CAMK1D: variants seen among roughly 807,000 people sequenced by gnomAD.
The protein encoded by CAMK1D is calcium/calmodulin-dependent protein kinase type 1D.
Under a neutral mutation model 47.7 loss-of-function variants are expected in CAMK1D, and 9 were observed. The observed-to-expected ratio is 0.19, with a 90% CI of 0.11 to 0.33. The LOEUF (loss-of-function observed/expected upper bound fraction) is 0.33. Among genes scored for constraint, CAMK1D ranks in the 10% least tolerant of loss-of-function variants. The pLI, the probability that CAMK1D is intolerant of heterozygous loss-of-function variation, is 1.00. For missense variants in CAMK1D, 291 were observed against 488.7 expected (o/e 0.60, Z 3.81); for synonymous variants, 184 against 184.9 (o/e 0.99, Z 0.04).
In CAMK1D at chr10:12,831,066, C is replaced by G. The variant is rs961470429; in HGVS notation, c.*2179C>G. 1.3e-5 allele frequency: 2 copies of G among 152,134 alleles called. No homozygotes were observed. The highest frequency in any genetic ancestry group is 2.4e-5 in the African/African-American group (1 of 41,388). The allele number at this position is 152,134 out of a possible 1,614,324, so 9.4% of individuals were successfully genotyped here. Reference sequence around the variant, plus strand: ...ACAGGCAGCTGGTCTACCCTGTCCCCGCACACTTCACAGGCACTCCACTGC... The same window carrying G: ...ACAGGCAGCTGGTCTACCCTGTCCCGGCACACTTCACAGGCACTCCACTGC... On this transcript the variant is annotated 3_prime_UTR_variant, in exon 11 of 11. Transcript: ENST00000619168.
chr10:12,469,459 A>T (rs540457961), intron 1 of CAMK1D, among the ~76,000 whole-genome samples: 53 of 152,192 alleles, frequency 3.5e-4, no homozygotes, highest in African/African-American at 1.3e-3. Context: ...ACTGGGGCAT[A>T]ACCAAGAAAG....
chr10:12,617,019 GT>G (rs1838845758), intron 2 of CAMK1D, among the ~76,000 whole-genome samples: 1 of 152,056 alleles, frequency 6.6e-6, no homozygotes, highest in African/African-American at 2.4e-5. Context: ...TAATATCCCT[GT>G]CTAGTCACAA....
chr10:12,827,468 GTCTGTCTTTCTTTCTTTCTTTCTT>G (rs1833281408), intron 10 of CAMK1D, among the ~76,000 whole-genome samples: 1 of 3,792 alleles, frequency 2.6e-4, no homozygotes, highest in African/African-American at 5.1e-4. Flanking sequence ...TTCTTTGTCT[GTCTGTCTTTCTTTCTTTCTTTCTT>G]TCTTTCTTTC....
intron 3 of CAMK1D, among the ~76,000 whole-genome samples, chr10:12,691,444 TTTTTTTG>T: frequency 2.5e-5 from 2 of 79,090 alleles, no homozygotes; most frequent in South Asian, 4.5e-4. Flanking sequence ...TTTTTTTTTT[TTTTTTTG>T]AGTGAGAGTC....
chr10:12,419,546 A>T (rs1839975326), intron 1 of CAMK1D, among the ~76,000 whole-genome samples: 1 of 152,024 alleles, frequency 6.6e-6, no homozygotes, highest in Admixed American at 6.6e-5. Context: ...TGGTTTTCTT[A>T]GTGCATAAAA....
chr10:12,508,752 C>G (rs1321324571), intron 1 of CAMK1D, among the ~76,000 whole-genome samples: 1 of 152,184 alleles, frequency 6.6e-6, no homozygotes, highest in Non-Finnish European at 1.5e-5. Flanking sequence ...CTCTGCAGTT[C>G]ACATAACCCT....
intron 4 of CAMK1D, among the ~76,000 whole-genome samples, chr10:12,768,142 G>C (rs1263423335): frequency 6.6e-6 from 1 of 152,156 alleles, no homozygotes; most frequent in Non-Finnish European, 1.5e-5. Flanking sequence ...AAAAGTGCTG[G>C]GATTACAGGT....
At chr10:12,758,003 C>T (rs1836315646) in intron 3 of CAMK1D, among the ~76,000 whole-genome samples, 2 of 152,166 alleles carry the variant, frequency 1.3e-5, no homozygotes, top group Admixed American at 6.5e-5. Flanking sequence ...CGGCACCCGC[C>T]ATCATGCCCA....
At chr10:12,704,457 A>C (rs1186352296) in intron 3 of CAMK1D, among the ~76,000 whole-genome samples, 1 of 152,180 alleles carries the variant, frequency 6.6e-6, no homozygotes, top group East Asian at 1.9e-4. Context: ...GCCCTCCCAG[A>C]TGATACCCTG....
At chr10:12,741,443 C>A (rs912898034) in intron 3 of CAMK1D, among the ~76,000 whole-genome samples, 1 of 152,184 alleles carries the variant, frequency 6.6e-6, no homozygotes, top group Admixed American at 6.5e-5. Context: ...TCAGGGACAG[C>A]GAGGGCCGCC....
intron 1 of CAMK1D, among the ~76,000 whole-genome samples, chr10:12,479,277 A>C (rs1471416344): frequency 6.6e-6 from 1 of 151,802 alleles, no homozygotes; most frequent in East Asian, 1.9e-4. Context: ...GCTCACTGCA[A>C]CCTCTGCCTC....
At chr10:12,722,028 A>G (rs1365755848) in intron 3 of CAMK1D, among the ~76,000 whole-genome samples, 4 of 152,086 alleles carry the variant, frequency 2.6e-5, no homozygotes, top group East Asian at 1.9e-4. Context: ...CGTTAATCCC[A>G]TTCACAATGG....
At position 12,489,149 on chromosome 10, in the gene CAMK1D, A is replaced by G. The variant is rs535766947; in HGVS notation, c.93-64076A>G. Among the ~76,000 whole-genome samples, 7 of 152,226 alleles carry G rather than the reference A, an allele frequency of 4.6e-5. No homozygotes were observed. The East Asian group carries it at 1.2e-3, about 25-fold the overall frequency. On this transcript the variant is annotated intron_variant, in intron 1 of 10. Coordinates refer to ENST00000619168, the MANE Select transcript of CAMK1D (RefSeq NM_153498.4). ...GACAGGGAGTTTCACTGTGTTAGCC[A>G]GGATGGTCTCGATCCCCTGACCTTG...
At chr10:12,429,819 G>C (rs1840380826) in intron 1 of CAMK1D, among the ~76,000 whole-genome samples, 1 of 152,152 alleles carries the variant, frequency 6.6e-6, no homozygotes, top group Non-Finnish European at 1.5e-5. Flanking sequence ...GCTGTGTGCA[G>C]CTGCACTCCA....
intron 1 of CAMK1D, among the ~76,000 whole-genome samples, chr10:12,538,123 G>C (rs539669728): frequency 6.6e-6 from 1 of 152,314 alleles, no homozygotes; most frequent in East Asian, 1.9e-4. Flanking sequence ...AAAGGGGAAG[G>C]CACCGTCAGC....
intron 1 of CAMK1D, among the ~76,000 whole-genome samples, chr10:12,400,229 T>G (rs144575604): frequency 1.6e-4 from 24 of 152,294 alleles, no homozygotes; most frequent in African/African-American, 5.5e-4. Flanking sequence ...AAGACAGTCT[T>G]TGGAAGCAGT....
At chr10:12,763,029 C>G (rs747532293) in intron 4 of CAMK1D, among the ~76,000 whole-genome samples, 17 of 152,190 alleles carry the variant, frequency 1.1e-4, no homozygotes, top group Non-Finnish European at 2.4e-4. Context: ...GTTTATCTCT[C>G]CCTTGGAAAG....
intron 3 of CAMK1D, among the ~76,000 whole-genome samples, chr10:12,667,325 G>A (rs566263897): frequency 6.6e-6 from 1 of 152,342 alleles, no homozygotes; most frequent in Non-Finnish European, 1.5e-5. Flanking sequence ...CATAAGAGAA[G>A]TATAATTGGT....
chr10:12,468,021 A>G lies in CAMK1D; in HGVS notation c.93-85204A>G, dbSNP rs144261434. The stretch of plus-strand genomic sequence containing the variant: ...TATTGAAATTGATATAGTTCATGTC[A>G]TTCATACAAGCTACCGATTTTATGC... On this transcript the variant is annotated intron_variant, in intron 1 of 10. Coordinates refer to ENST00000619168, the MANE Select transcript of CAMK1D (RefSeq NM_153498.4). Among the ~76,000 whole-genome samples the G allele has an allele frequency of 2.2e-4, 34 of 152,316 alleles. No homozygotes were observed. The East Asian group carries it at 5.6e-3, about 25-fold the overall frequency.
Sources: gnomAD v4.1 joint callset for allele counts (sites outside exome capture counted in the v4.1 genomes callset) on GRCh38, gnomAD v4.1.1 for gene constraint, MANE v1.5 for transcripts, NCBI Gene and HGNC (gene_info 2026-07-23, HGNC 2026-07-21) for gene names.